The following RPS6KC1 variants were observed in gnomAD, a reference collection of about 807,000 sequenced individuals.
RPS6KC1 encodes the protein inactive ribosomal protein S6 kinase delta-1.
RPS6KC1 carries 54 observed loss-of-function variants against 103.8 expected under a neutral mutation model. The observed-to-expected ratio is 0.52, with a 90% CI of 0.42 to 0.65. The LOEUF (loss-of-function observed/expected upper bound fraction) is 0.65. RPS6KC1 is among the 30% of genes least tolerant of loss of function. The probability of loss-of-function intolerance (pLI) is 0.00; values close to 1 mark genes in which losing one functional copy is unlikely to be tolerated. For missense variants in RPS6KC1, 1,151 were observed against 1,253.8 expected (o/e 0.92, Z 1.24); for synonymous variants, 439 against 438.7 (o/e 1.00, Z -0.01).
chr1:213,599,204 A>G, the RPS6KC1 span, among the ~76,000 whole-genome samples: 1 of 152,224 alleles, frequency 6.6e-6, no homozygotes, highest in Non-Finnish European at 1.5e-5. Context: ...CATTTGTTAT[A>G]AACAGCTCTA....
At chr1:213,657,359 G>T in the RPS6KC1 span, among the ~76,000 whole-genome samples, 1 of 152,084 alleles carries the variant, frequency 6.6e-6, no homozygotes, top group Non-Finnish European at 1.5e-5. Context: ...AGGAACATAG[G>T]GGTCATTGAA....
Position 213,261,451 on chromosome 1 carries a change from G to A in RPS6KC1, c.2912-107G>A, listed in dbSNP as rs954458919. On this transcript the variant is annotated intron_variant, in intron 12 of 14. Coordinates refer to ENST00000366960, the MANE Select transcript of RPS6KC1 (RefSeq NM_012424.6). ...AATTTTGAAAGCCCAGTAGTATTTA[G>A]TATATGCTCTCTCAGCATTAAAAAG... 5 of 958,710 alleles carry A rather than the reference G, an allele frequency of 5.2e-6. No individual in the cohort carries two copies. The African/African-American group carries it at 8.1e-5, about 16-fold the overall frequency. 59.4% of individuals were successfully genotyped at this position (958,710 alleles called of 1,614,324 possible).
At chr1:213,069,798 A>T (rs918520036) in intron 1 of RPS6KC1, among the ~76,000 whole-genome samples, 6 of 152,264 alleles carry the variant, frequency 3.9e-5, no homozygotes, top group African/African-American at 1.4e-4. Context: ...AAAATACACC[A>T]TTGTAGCTTC....
At chr1:213,808,041 C>T in the RPS6KC1 span, among the ~76,000 whole-genome samples, 1 of 152,184 alleles carries the variant, frequency 6.6e-6, no homozygotes, top group African/African-American at 2.4e-5. Flanking sequence ...TAGAGGTCCA[C>T]TCCAGACCCT....
At chr1:213,643,968 G>A in the RPS6KC1 span, among the ~76,000 whole-genome samples, 43,295 of 151,660 alleles carry the variant, frequency 0.29, 7,185 homozygotes, top group African/African-American at 0.48. Flanking sequence ...AAACCATACC[G>A]CGTCATGATG....
the RPS6KC1 span, among the ~76,000 whole-genome samples, chr1:213,418,310 G>A: frequency 6.6e-6 from 1 of 152,192 alleles, no homozygotes; most frequent in Non-Finnish European, 1.5e-5. Flanking sequence ...CTAAATGGGG[G>A]TAGTGATTCT....
chr1:213,698,960 G>A, the RPS6KC1 span, among the ~76,000 whole-genome samples: 188 of 151,868 alleles, frequency 1.2e-3, no homozygotes, highest in African/African-American at 4.3e-3. Context: ...GAGGGTACGT[G>A]AGATATTTTG....
At chr1:213,751,282 G>A in the RPS6KC1 span, among the ~76,000 whole-genome samples, 170 of 152,164 alleles carry the variant, frequency 1.1e-3, no homozygotes, top group African/African-American at 3.2e-3. Flanking sequence ...AGTGTGTTAC[G>A]TTGGTGGTGC....
chr1:213,082,810 A>C (rs2080023217), intron 3 of RPS6KC1, among the ~76,000 whole-genome samples: 1 of 152,208 alleles, frequency 6.6e-6, no homozygotes, highest in African/African-American at 2.4e-5. Context: ...ACTAAAATTA[A>C]GAAATGACTT....
chr1:213,473,327 C>T, the RPS6KC1 span, among the ~76,000 whole-genome samples: 1 of 152,214 alleles, frequency 6.6e-6, no homozygotes, highest in African/African-American at 2.4e-5. Flanking sequence ...TGCTATCCCC[C>T]AATAGTGGAC....
chr1:213,112,225 A>T, intron 4 of RPS6KC1, among the ~76,000 whole-genome samples: 1 of 151,980 alleles, frequency 6.6e-6, no homozygotes, highest in East Asian at 1.9e-4. Context: ...GGTAGAGGGG[A>T]AGGTATTAAG....
At chr1:213,096,096 C>T (rs1464108350) in intron 3 of RPS6KC1, among the ~76,000 whole-genome samples, 1 of 152,186 alleles carries the variant, frequency 6.6e-6, no homozygotes, top group Non-Finnish European at 1.5e-5. Flanking sequence ...CCTGTGACTG[C>T]TTTATCAACT....
the RPS6KC1 span, among the ~76,000 whole-genome samples, chr1:213,767,526 A>C: frequency 6.6e-6 from 1 of 152,170 alleles, no homozygotes; most frequent in African/African-American, 2.4e-5. Flanking sequence ...CCCATAGAAC[A>C]TGTGCACCCA....
At chr1:213,068,814 G>A (rs2078588287) in intron 1 of RPS6KC1, among the ~76,000 whole-genome samples, 1 of 150,272 alleles carries the variant, frequency 6.7e-6, no homozygotes, top group Non-Finnish European at 1.5e-5. Context: ...GAATTTGAGA[G>A]CAGCCTGGGC....
chr1:213,114,489 A>G (rs2083365412), intron 4 of RPS6KC1, among the ~76,000 whole-genome samples: 1 of 151,814 alleles, frequency 6.6e-6, no homozygotes, highest in South Asian at 2.1e-4. Context: ...ATATACAATC[A>G]TGTCATCTGC....
the RPS6KC1 span, among the ~76,000 whole-genome samples, chr1:213,504,336 T>A: frequency 0.029 from 4,373 of 151,130 alleles, 157 homozygotes; most frequent in East Asian, 0.12. Context: ...ATCCTTACAA[T>A]TTTTTTTAAC....
the RPS6KC1 span, among the ~76,000 whole-genome samples, chr1:213,798,766 G>A: frequency 0.043 from 6,518 of 152,230 alleles, 394 homozygotes; most frequent in East Asian, 0.21. Flanking sequence ...CAGAATTTTG[G>A]GTGAAGCGTG....
intron 6 of RPS6KC1, among the ~76,000 whole-genome samples, chr1:213,167,136 G>A (rs781699521): frequency 3.3e-5 from 5 of 152,108 alleles, no homozygotes; most frequent in Non-Finnish European, 5.9e-5. Context: ...TGACTAGGGG[G>A]GCCCATCCTT....
chr1:213,385,473 A>G, the RPS6KC1 span, among the ~76,000 whole-genome samples: 1 of 152,194 alleles, frequency 6.6e-6, no homozygotes, highest in Non-Finnish European at 1.5e-5. Context: ...GCTGCCTTCA[A>G]TGGAGATTTG....
Sources: gnomAD v4.1 joint callset for allele counts (sites outside exome capture counted in the v4.1 genomes callset) on GRCh38, gnomAD v4.1.1 for gene constraint, MANE v1.5 for transcripts, NCBI Gene and HGNC (gene_info 2026-07-23, HGNC 2026-07-21) for gene names.